Variants in PAG1 observed in about 807,000 individuals in gnomAD.
The protein encoded by PAG1 is phosphoprotein membrane anchor with glycosphingolipid microdomains 1, also known as phosphoprotein associated with glycosphingolipid-enriched microdomains 1.
In PAG1, 23 loss-of-function variants were observed where a neutral mutation model predicts 31.7. That is an observed-to-expected ratio of 0.73 (90% confidence interval 0.52 to 1.03). The LOEUF is 1.03. PAG1 is among the 50% of genes least tolerant of loss of function. The probability of loss-of-function intolerance (pLI) is 0.00; values close to 1 mark genes in which losing one functional copy is unlikely to be tolerated. For missense variants in PAG1, 473 were observed against 540.7 expected (o/e 0.87, Z 1.24); for synonymous variants, 214 against 210.3 (o/e 1.02, Z -0.15).
At chr8:81,088,128 A>T (rs1008779808) in intron 1 of PAG1, among the ~76,000 whole-genome samples, 1 of 152,136 alleles carries the variant, frequency 6.6e-6, no homozygotes, top group Non-Finnish European at 1.5e-5. Context: ...TTAATTATGT[A>T]TTATTTACCT....
chr8:80,994,616 T>C (rs1807633046), intron 3 of PAG1, among the ~76,000 whole-genome samples: 1 of 152,184 alleles, frequency 6.6e-6, no homozygotes, highest in Non-Finnish European at 1.5e-5. Flanking sequence ...GCCTGTGCTC[T>C]GTGTCCATCA....
At chr8:81,095,820 G>A (rs752922670) in intron 1 of PAG1, among the ~76,000 whole-genome samples, 29 of 152,286 alleles carry the variant, frequency 1.9e-4, no homozygotes, top group Non-Finnish European at 3.5e-4. Flanking sequence ...CACACTATAT[G>A]TGTAAGGCTG....
intron 1 of PAG1, among the ~76,000 whole-genome samples, chr8:81,107,847 T>C (rs1809717371): frequency 6.6e-6 from 1 of 152,202 alleles, no homozygotes; most frequent in African/African-American, 2.4e-5. Flanking sequence ...GTATAACTTG[T>C]ATAACCTCCC....
intron 3 of PAG1, among the ~76,000 whole-genome samples, chr8:80,999,973 A>G (rs141534154): frequency 1.3e-5 from 2 of 152,132 alleles, no homozygotes; most frequent in African/African-American, 4.8e-5. Flanking sequence ...TATCACATGC[A>G]CTCTGACAGA....
chr8:81,108,430 T>C (rs528778153), intron 1 of PAG1, among the ~76,000 whole-genome samples: 4 of 152,202 alleles, frequency 2.6e-5, no homozygotes, highest in Non-Finnish European at 5.9e-5. Flanking sequence ...CTCGAAGAGT[T>C]TTGATTTTTT....
At chr8:81,038,427 G>A (rs1463945481) in intron 2 of PAG1, among the ~76,000 whole-genome samples, 1 of 152,156 alleles carries the variant, frequency 6.6e-6, no homozygotes, top group African/African-American at 2.4e-5. Flanking sequence ...CAATGGCTCT[G>A]CCTGTGGGGT....
chr8:81,096,755 G>A (rs1442696319), intron 1 of PAG1, among the ~76,000 whole-genome samples: 3 of 152,174 alleles, frequency 2.0e-5, no homozygotes, highest in African/African-American at 7.2e-5. Context: ...AGGATGCCCA[G>A]TTAAGAAAGG....
chr8:81,045,109 G>A (rs755293324), intron 2 of PAG1, among the ~76,000 whole-genome samples: 5 of 152,128 alleles, frequency 3.3e-5, no homozygotes, highest in Admixed American at 1.3e-4. Context: ...GTGGGATTTC[G>A]CTGGGTGAAC....
intron 1 of PAG1, among the ~76,000 whole-genome samples, chr8:81,105,238 A>C (rs1283806949): frequency 1.3e-5 from 2 of 152,088 alleles, no homozygotes; most frequent in African/African-American, 2.4e-5. Context: ...TCCCTCATGA[A>C]TCTGAGATTC....
At chr8:80,986,223 C>T (rs1030952645) in intron 6 of PAG1, among the ~76,000 whole-genome samples, 1 of 152,136 alleles carries the variant, frequency 6.6e-6, no homozygotes, top group Non-Finnish European at 1.5e-5. Flanking sequence ...ACAACGGATC[C>T]CCCAATCCTT....
intron 2 of PAG1, among the ~76,000 whole-genome samples, chr8:81,045,422 A>G (rs1394793311): frequency 6.6e-6 from 1 of 152,208 alleles, no homozygotes; most frequent in African/African-American, 2.4e-5. Flanking sequence ...ATAAAGCTGC[A>G]CTATGGTGCT....
rs562069039 is a variant in PAG1 at position 80,984,881 on chromosome 8, T to G, written c.771A>C (p.Pro257=). The G allele has an allele frequency of 6.2e-7, 1 of 1,614,038 alleles. No individual in the cohort carries two copies. Among genetic ancestry groups the G allele is most frequent in the Non-Finnish European group, 8.5e-7 (1 of 1,180,014 alleles). ...GNSCDPEEEA[P]PPVPVKLLDE... ...CCAGAAGCTTAACAGGGACAGGTGG[T>G]GGGGCCTCCTCTTCTGGATCACATG... Residue 257 remains proline, a synonymous_variant, in exon 7 of 9, where the codon CCA becomes CCC. Transcript: ENST00000220597.
chr8:81,035,665 C>A (rs372699075), intron 2 of PAG1, among the ~76,000 whole-genome samples: 15 of 152,180 alleles, frequency 9.9e-5, no homozygotes, highest in African/African-American at 2.9e-4. Context: ...ACAAGGAAGG[C>A]AGGAGGAGAT....
At chr8:81,085,136 G>C (rs936825817) in intron 1 of PAG1, among the ~76,000 whole-genome samples, 3 of 152,190 alleles carry the variant, frequency 2.0e-5, no homozygotes, top group African/African-American at 7.2e-5. Context: ...TCAGGGCTCT[G>C]ATTTTATGCT....
chr8:81,026,190 T>TGA (rs1018421716), intron 3 of PAG1, among the ~76,000 whole-genome samples: 7 of 151,872 alleles, frequency 4.6e-5, no homozygotes, highest in Non-Finnish European at 2.9e-5. Flanking sequence ...AGGTACAATA[T>TGA]GAGTGTTTGT....
intron 3 of PAG1, among the ~76,000 whole-genome samples, chr8:81,008,895 G>T (rs1807932302): frequency 6.6e-6 from 1 of 152,050 alleles, no homozygotes; most frequent in African/African-American, 2.4e-5. Flanking sequence ...AAATTATCTT[G>T]ATTTATCTGA....
At chr8:81,077,212 C>T (rs1809193143) in intron 1 of PAG1, among the ~76,000 whole-genome samples, 1 of 152,204 alleles carries the variant, frequency 6.6e-6, no homozygotes, top group South Asian at 2.1e-4. Flanking sequence ...ACAGGATGTA[C>T]ATTAAAGTCT....
At chr8:81,005,771 T>C (rs548518564) in intron 3 of PAG1, among the ~76,000 whole-genome samples, 2 of 152,258 alleles carry the variant, frequency 1.3e-5, no homozygotes, top group African/African-American at 4.8e-5. Flanking sequence ...GTCAGCCTCA[T>C]AGGCTTCACT....
chr8:81,006,804 A>T (rs1268493729), intron 3 of PAG1, among the ~76,000 whole-genome samples: 1 of 152,176 alleles, frequency 6.6e-6, no homozygotes, highest in Admixed American at 6.5e-5. Context: ...GAAGGATCAT[A>T]TGTGGAACTC....
Sources: allele counts gnomAD v4.1 joint callset (sites outside exome capture counted in the v4.1 genomes callset), GRCh38; gene constraint gnomAD v4.1.1; transcripts MANE v1.5; gene names NCBI Gene and HGNC (gene_info 2026-07-23, HGNC 2026-07-21).